USP15: variants seen among roughly 807,000 people sequenced by gnomAD.
USP15 encodes ubiquitin carboxyl-terminal hydrolase 15.
Under a neutral mutation model 127.1 loss-of-function variants are expected in USP15, and 18 were observed. The observed-to-expected ratio is 0.14, with a 90% confidence interval of 0.10 to 0.21. USP15 has a LOEUF of 0.21. Among genes scored for constraint, USP15 ranks in the 10% least tolerant of loss-of-function variants. The pLI, the probability that USP15 is intolerant of heterozygous loss-of-function variation, is 1.00. For missense variants in USP15, 805 were observed against 1,159.9 expected, an observed-to-expected ratio of 0.69 and a Z score of 4.44; for synonymous variants, 364 against 393.7, an observed-to-expected ratio of 0.92 and a Z score of 0.89.
intron 6 of USP15, among the ~76,000 whole-genome samples, chr12:62,338,290 T>G (rs2065538684): frequency 6.6e-6 from 1 of 150,684 alleles, no homozygotes; most frequent in Non-Finnish European, 1.5e-5. Flanking sequence ...TTGTGAATTG[T>G]CTGTTCATAT....
chr12:62,369,505 T>A (rs2066592182), intron 8 of USP15, among the ~76,000 whole-genome samples: 1 of 152,044 alleles, frequency 6.6e-6, no homozygotes, highest in Non-Finnish European at 1.5e-5. Context: ...TATTTTTTCA[T>A]GTGCCAGCTG....
intron 8 of USP15, among the ~76,000 whole-genome samples, chr12:62,361,569 G>A (rs922408707): frequency 6.6e-6 from 1 of 151,830 alleles, no homozygotes; most frequent in African/African-American, 2.4e-5. Flanking sequence ...TCTTATAACA[G>A]AAGTTATTAA....
chr12:62,286,937 C>A (rs1458921710), intron 1 of USP15, among the ~76,000 whole-genome samples: 254 of 128,160 alleles, frequency 2.0e-3, no homozygotes, highest in East Asian at 1.8e-3. Flanking sequence ...AACTCTGTCT[C>A]AAAAAAAAAA....
intron 1 of USP15, chr12:62,278,808 TAC>T (rs1230961434): frequency 1.3e-5 from 2 of 152,142 alleles, no homozygotes; most frequent in Non-Finnish European, 2.9e-5. Flanking sequence ...TAAATTAATC[TAC>T]AGTTGGGCAA....
At chr12:62,388,117 A>ATTTTTTTTTTTTTTTTTTTT (rs58192089) in intron 11 of USP15, among the ~76,000 whole-genome samples, 5 of 106,586 alleles carry the variant, frequency 4.7e-5, no homozygotes, top group Non-Finnish European at 5.4e-5. Context: ...AATGGTGAAG[A>ATTTTTTTTTTTTTTTTTTTT]TTTTTTTTTT....
chr12:62,344,982 A>G (rs2137400527), intron 6 of USP15, among the ~76,000 whole-genome samples: 1 of 152,314 alleles, frequency 6.6e-6, no homozygotes, highest in South Asian at 2.1e-4. Context: ...CAGGCCTGTG[A>G]TGGGAGGGGC....
At chr12:62,270,167 A>C (rs923848437) in intron 1 of USP15, among the ~76,000 whole-genome samples, 1 of 151,938 alleles carries the variant, frequency 6.6e-6, no homozygotes, top group Non-Finnish European at 1.5e-5. Flanking sequence ...GGCCATTTGT[A>C]TGTCTTTTGG....
intron 1 of USP15, among the ~76,000 whole-genome samples, chr12:62,282,237 A>T (rs1262803990): frequency 6.6e-6 from 1 of 152,110 alleles, no homozygotes; most frequent in Non-Finnish European, 1.5e-5. Flanking sequence ...CTGAGGTGGG[A>T]AGATCACTTG....
chr12:62,380,093 C>G (rs186385211), intron 8 of USP15, among the ~76,000 whole-genome samples: 2 of 152,126 alleles, frequency 1.3e-5, no homozygotes, highest in East Asian at 3.9e-4. Context: ...ATAGCTCACT[C>G]CAAACATTTT....
chr12:62,349,342 T>G, intron 7 of USP15, 35 bp downstream of exon 7: 1 of 1,379,554 alleles, frequency 7.2e-7, no homozygotes, highest in Non-Finnish European at 9.6e-7. Context: ...TTTGTTTAAT[T>G]GATCACCCTA....
chr12:62,373,543 G>A (rs1290482236), intron 8 of USP15, among the ~76,000 whole-genome samples: 2 of 151,938 alleles, frequency 1.3e-5, no homozygotes, highest in Non-Finnish European at 2.9e-5. Flanking sequence ...TCCTTGTCCA[G>A]TTCAAAAACC....
rs192526346 is a variant in USP15 at position 62,264,028 on chromosome 12, G to A, written c.89+3525G>A. ...TTTTGAAACAGAGTCTCGCTGTGTC[G>A]CCCAGGCTAGAGTACAGTGCGTGGT... is the stretch of plus-strand genomic sequence containing the variant. On this transcript the variant is annotated intron_variant, in intron 1 of 21. Coordinates refer to ENST00000280377, the MANE Select transcript of USP15 (RefSeq NM_001252078.2). Among the ~76,000 whole-genome samples, 302 of 152,142 alleles carry A rather than the reference G, an allele frequency of 2.0e-3. 3 individuals carry two copies. Among genetic ancestry groups the A allele is most frequent in the African/African-American group, 7.0e-3 (289 of 41,510 alleles).
At chr12:62,283,868 G>C (rs1006848207) in intron 1 of USP15, among the ~76,000 whole-genome samples, 1 of 152,180 alleles carries the variant, frequency 6.6e-6, no homozygotes, top group Admixed American at 6.5e-5. Flanking sequence ...CTTGAACCTG[G>C]GAAGTGGAGG....
chr12:62,308,992 T>C (rs994337770), intron 3 of USP15, among the ~76,000 whole-genome samples: 3 of 152,158 alleles, frequency 2.0e-5, no homozygotes, highest in Non-Finnish European at 4.4e-5. Flanking sequence ...AGGAATTTTA[T>C]AGCTTCAGTG....
intron 1 of USP15, among the ~76,000 whole-genome samples, chr12:62,292,106 T>C (rs1252442522): frequency 1.7e-5 from 2 of 115,450 alleles, no homozygotes; most frequent in Non-Finnish European, 3.4e-5. Flanking sequence ...ATTGGGCCAC[T>C]GGTAAAATGC....
intron 1 of USP15, among the ~76,000 whole-genome samples, chr12:62,263,910 A>G (rs1404536496): frequency 1.3e-5 from 2 of 152,236 alleles, no homozygotes; most frequent in South Asian, 2.1e-4. Context: ...CTTAAGGTAC[A>G]TATGAGTATT....
chr12:62,307,960 A>G (rs1489152833), intron 3 of USP15, among the ~76,000 whole-genome samples: 1 of 152,116 alleles, frequency 6.6e-6, no homozygotes, highest in African/African-American at 2.4e-5. Flanking sequence ...TTATTATAGT[A>G]TATTGTTCTA....
chr12:62,374,659 A>G, intron 8 of USP15: 2 of 856,608 alleles, frequency 2.3e-6, no homozygotes, highest in Non-Finnish European at 2.8e-6. Flanking sequence ...TGACTTCATC[A>G]ATTTATAAAA....
At chr12:62,286,092 TTAGAG>T (rs2063775541) in intron 1 of USP15, among the ~76,000 whole-genome samples, 1 of 152,156 alleles carries the variant, frequency 6.6e-6, no homozygotes, top group Non-Finnish European at 1.5e-5. Context: ...ATTTTTCTGT[TTAGAG>T]TAAACAGACA....
Sources: gnomAD v4.1 joint callset for allele counts (sites outside exome capture counted in the v4.1 genomes callset) on GRCh38, gnomAD v4.1.1 for gene constraint, MANE v1.5 for transcripts, NCBI Gene and HGNC (gene_info 2026-07-23, HGNC 2026-07-21) for gene names.